The following ADK variants were observed in gnomAD, a reference collection of about 807,000 sequenced individuals.
ADK encodes the protein N6,N6-dimethyladenosine kinase.
In ADK, 24 loss-of-function variants were observed where a neutral mutation model predicts 44.7. The observed-to-expected ratio is 0.54, with a 90% CI of 0.39 to 0.76. The LOEUF (loss-of-function observed/expected upper bound fraction) is 0.76. Ranked by LOEUF, ADK falls within the 30% of genes least tolerant of loss-of-function variation. The pLI is 0.00. For synonymous variants in ADK, 128 were observed against 142.6 expected, an observed-to-expected ratio of 0.90 and a Z score of 0.73; for missense variants, 321 against 425.1, an observed-to-expected ratio of 0.76 and a Z score of 2.15.
chr10:74,480,192 C>CT (rs1250587675), intron 6 of ADK, among the ~76,000 whole-genome samples: 30 of 148,600 alleles, frequency 2.0e-4, no homozygotes, highest in African/African-American at 6.5e-4. Flanking sequence ...CTCTTGAAGT[C>CT]TAAGGCAGCC....
intron 3 of ADK, among the ~76,000 whole-genome samples, chr10:74,225,694 A>G (rs933447438): frequency 6.6e-6 from 1 of 152,208 alleles, no homozygotes; most frequent in Non-Finnish European, 1.5e-5. Flanking sequence ...TTCCACTATT[A>G]TGCTAACCTT....
At chr10:74,274,098 C>CT (rs1244876001) in intron 3 of ADK, among the ~76,000 whole-genome samples, 4 of 152,110 alleles carry the variant, frequency 2.6e-5, no homozygotes, top group Non-Finnish European at 5.9e-5. Flanking sequence ...AGTGCTGACC[C>CT]TTTGCACAGT....
intron 9 of ADK, among the ~76,000 whole-genome samples, chr10:74,611,840 G>A (rs1852557895): frequency 2.0e-5 from 3 of 152,114 alleles, no homozygotes; most frequent in South Asian, 2.1e-4. Flanking sequence ...ATTACATGGT[G>A]TATATGTACC....
chr10:74,402,705 G>A (rs545240504), intron 6 of ADK, among the ~76,000 whole-genome samples: 10 of 152,176 alleles, frequency 6.6e-5, no homozygotes, highest in Non-Finnish European at 1.2e-4. Context: ...CCTTTAGCTC[G>A]GAGAAGTTTG....
At chr10:74,180,312 A>G (rs2132079652) in intron 1 of ADK, among the ~76,000 whole-genome samples, 1 of 146,028 alleles carries the variant, frequency 6.8e-6, no homozygotes, top group African/African-American at 2.5e-5. Flanking sequence ...ATCTCGGCTC[A>G]TTGCAACCTC....
At chr10:74,522,728 A>T (rs1231559135) in intron 6 of ADK, among the ~76,000 whole-genome samples, 1 of 151,974 alleles carries the variant, frequency 6.6e-6, no homozygotes, top group African/African-American at 2.4e-5. Context: ...GCATTTTTGT[A>T]ACTTTTAACA....
intron 6 of ADK, among the ~76,000 whole-genome samples, chr10:74,416,033 TAC>T (rs71475283): frequency 0.062 from 9,059 of 145,296 alleles, 407 homozygotes; most frequent in African/African-American, 0.14. Context: ...CATACATATA[TAC>T]ACACACACAC....
intron 1 of ADK, among the ~76,000 whole-genome samples, chr10:74,172,322 C>T (rs1231621032): frequency 2.0e-5 from 3 of 151,892 alleles, no homozygotes; most frequent in Non-Finnish European, 4.4e-5. Flanking sequence ...GTTTTGAACC[C>T]CTAGGCTCAA....
At chr10:74,520,760 G>A (rs1848789009) in intron 6 of ADK, among the ~76,000 whole-genome samples, 1 of 152,066 alleles carries the variant, frequency 6.6e-6, no homozygotes, top group Non-Finnish European at 1.5e-5. Flanking sequence ...CACTAAAACG[G>A]TTGTTTGGTT....
rs1158811749 is a variant in ADK, at chr10:74,177,945, A to ATTTTTTT, written c.66-22812_66-22806dup. Among the ~76,000 whole-genome samples the ATTTTTTT allele has an allele frequency of 6.8e-4, 74 of 108,972 alleles. 1 individual carries two copies. Among genetic ancestry groups the ATTTTTTT allele is most frequent in the Non-Finnish European group, 1.1e-3 (62 of 54,194 alleles). The allele number at this position is 108,972 out of a possible 152,430, so 71.5% of individuals were successfully genotyped here. A position where few individuals can be genotyped will look rare whatever the true frequency, so the allele number is the denominator to read the frequency against. On this transcript the variant is annotated intron_variant, in intron 1 of 10. Coordinates refer to ENST00000539909, the MANE Select transcript of ADK (RefSeq NM_006721.4). The stretch of plus-strand genomic sequence containing the variant: ...TAATTATATATATATATATATATAT[A>ATTTTTTT]TTTTTTTTTTTTTGAGACAGAGTTT...
chr10:74,339,821 TC>T (rs1195619461), intron 4 of ADK, among the ~76,000 whole-genome samples: 5 of 152,196 alleles, frequency 3.3e-5, no homozygotes, highest in Admixed American at 3.3e-4. Context: ...AGGTACAAGA[TC>T]AATTACTGTT....
At chr10:74,190,320 G>GCACTCAATCCATAGCCTTGACT (rs1286198357) in intron 1 of ADK, among the ~76,000 whole-genome samples, 2 of 152,206 alleles carry the variant, frequency 1.3e-5, no homozygotes, top group Non-Finnish European at 2.9e-5. Flanking sequence ...CAGGCTTTCA[G>GCACTCAATCCATAGCCTTGACT]TTCATCCATA....
intron 6 of ADK, among the ~76,000 whole-genome samples, chr10:74,484,618 A>G (rs1169496796): frequency 6.6e-6 from 1 of 152,210 alleles, no homozygotes; most frequent in Non-Finnish European, 1.5e-5. Context: ...ATGGAAAAGC[A>G]AAACGGCAAG....
chr10:74,303,597 T>TTTG lies in ADK; in HGVS notation c.195-11068_195-11067insGTT, dbSNP rs1294000203. On this transcript the variant is annotated intron_variant, in intron 3 of 10. Transcript: ENST00000539909. The stretch of plus-strand genomic sequence containing the variant: ...TATTGGTTTTAATGTTGTTTTTTTT[T>TTTG]TTTTTTTTTTTTTTTTTGCTAGAAA... 2.3e-4 allele frequency among the ~76,000 whole-genome samples: 30 copies of TTTG among 132,794 alleles called. 3 individuals are homozygous for TTTG. The highest frequency in any genetic ancestry group is 1.4e-3 in the Admixed American group (18 of 13,230). 87.1% of individuals were successfully genotyped at this position (132,794 alleles called of 152,430 possible). A position where few individuals can be genotyped will look rare whatever the true frequency, so the allele number is the denominator to read the frequency against.
intron 3 of ADK, among the ~76,000 whole-genome samples, chr10:74,283,688 T>TC (rs1452000579): frequency 6.8e-6 from 1 of 146,108 alleles, no homozygotes; most frequent in East Asian, 2.0e-4. Context: ...TTCTTTCTTT[T>TC]TTTTTTTTTT....
chr10:74,447,273 G>T (rs1333556093), intron 6 of ADK, among the ~76,000 whole-genome samples: 1 of 152,088 alleles, frequency 6.6e-6, no homozygotes, highest in African/African-American at 2.4e-5. Flanking sequence ...CAAAATGGGG[G>T]TTTAGACTTC....
chr10:74,605,593 C>T (rs555578287), intron 9 of ADK, among the ~76,000 whole-genome samples: 3 of 152,246 alleles, frequency 2.0e-5, no homozygotes, highest in Non-Finnish European at 2.9e-5. Flanking sequence ...AGGGATGAAG[C>T]CGACTTGATC....
rs547959750 is a variant in ADK, at chr10:74,339,299, A to G, written c.273+24554A>G. ...AGCCTCTTCACAGAATTTCTAGGAT[A>G]ACCAATATAAGTAAAGTAGATGTTA... On this transcript the variant is annotated intron_variant, in intron 4 of 10. Coordinates refer to ENST00000539909, the MANE Select transcript of ADK (RefSeq NM_006721.4). Among the ~76,000 whole-genome samples, 20 of 152,268 alleles carry G rather than the reference A, an allele frequency of 1.3e-4. 1 individual carries two copies. In the South Asian group the frequency reaches 2.9e-3, roughly 22 times the overall value.
chr10:74,247,800 T>C (rs1845481315), intron 3 of ADK, among the ~76,000 whole-genome samples: 1 of 152,198 alleles, frequency 6.6e-6, no homozygotes, highest in Non-Finnish European at 1.5e-5. Context: ...TCTTGTGTTT[T>C]AGAGACTCTT....
Sources: allele counts gnomAD v4.1 joint callset (sites outside exome capture counted in the v4.1 genomes callset), GRCh38; gene constraint gnomAD v4.1.1; transcripts MANE v1.5; gene names NCBI Gene and HGNC (gene_info 2026-07-23, HGNC 2026-07-21).